Variants in AGAP1 observed in about 807,000 individuals in gnomAD.
AGAP1 encodes the protein arf-GAP with GTPase, ANK repeat and PH domain-containing protein 1.
In AGAP1, 29 loss-of-function variants were observed where a neutral mutation model predicts 105.3. The ratio of observed to expected loss-of-function variants is 0.28; its 90% CI spans 0.21 to 0.38. The LOEUF (loss-of-function observed/expected upper bound fraction) is 0.38. Ranked by LOEUF, AGAP1 falls within the 10% of genes least tolerant of loss-of-function variation. The pLI, the probability that AGAP1 is intolerant of heterozygous loss-of-function variation, is 1.00. For missense variants in AGAP1, 998 were observed against 1,165.1 expected, an observed-to-expected ratio of 0.86 and a Z score of 2.09; for synonymous variants, 509 against 485.9, an observed-to-expected ratio of 1.05 and a Z score of -0.63.
chr2:236,116,764 C>T (rs2059781640), intron 16 of AGAP1, among the ~76,000 whole-genome samples: 1 of 151,548 alleles, frequency 6.6e-6, no homozygotes, highest in Non-Finnish European at 1.5e-5. Flanking sequence ...ACTCTTCCCC[C>T]CAAGTCCCCA....
intron 1 of AGAP1, among the ~76,000 whole-genome samples, chr2:235,576,179 A>G (rs954576954): frequency 6.6e-6 from 1 of 152,108 alleles, no homozygotes; most frequent in African/African-American, 2.4e-5. Context: ...TACCTGGCGC[A>G]ACCCTGGGCC....
chr2:235,546,676 C>T (rs562466820), intron 1 of AGAP1, among the ~76,000 whole-genome samples: 7 of 152,082 alleles, frequency 4.6e-5, no homozygotes, highest in African/African-American at 1.7e-4. Flanking sequence ...GGAGTGATGG[C>T]GATGGCTTGT....
chr2:235,572,224 CTGTG>C (rs1377056591), intron 1 of AGAP1, among the ~76,000 whole-genome samples: 1 of 151,244 alleles, frequency 6.6e-6, no homozygotes. Flanking sequence ...GTGCCGTGCC[CTGTG>C]TGTGTGTCAG....
rs1181197215 is a variant in AGAP1, at chr2:236,035,563, A to G, written c.1646-998A>G. Among the ~76,000 whole-genome samples the G allele has an allele frequency of 6.6e-6, 1 of 152,170 alleles. No individual in the cohort carries two copies. Among genetic ancestry groups the G allele is most frequent in the Non-Finnish European group, 1.5e-5 (1 of 68,020 alleles). ...CGCTTGAGCCTGGGAGGTGGAAGATATAATGAGCTGTGATTGCACCATGGC... is the reference window on the plus strand; with the variant it reads ...CGCTTGAGCCTGGGAGGTGGAAGATGTAATGAGCTGTGATTGCACCATGGC... On this transcript the variant is annotated intron_variant, in intron 13 of 17. Coordinates refer to ENST00000304032, the MANE Select transcript of AGAP1 (RefSeq NM_001037131.3). This position sits in a 1 kb window ranked among gnomAD's most constrained non-coding sequence, Gnocchi z 4.2.
chr2:235,730,769 C>A (rs1491003246), intron 3 of AGAP1, among the ~76,000 whole-genome samples: 2 of 152,148 alleles, frequency 1.3e-5, no homozygotes, highest in African/African-American at 4.8e-5. Context: ...GTGGGAGATG[C>A]TGAAATATTC....
chr2:235,596,596 G>C lies in AGAP1; in HGVS notation c.163+101747G>C, dbSNP rs1302386865. On this transcript the variant is annotated intron_variant, in intron 1 of 17. Coordinates refer to ENST00000304032, the MANE Select transcript of AGAP1 (RefSeq NM_001037131.3). The surrounding 1 kb of genome is among the most constrained non-coding windows in gnomAD (Gnocchi z 5.9). ...GACCCTTCCCGGGTTCCTGGTTGCAGGTGCTGTGTCATCGTATGGCTGTAT... is the reference window on the plus strand; with the variant it reads ...GACCCTTCCCGGGTTCCTGGTTGCACGTGCTGTGTCATCGTATGGCTGTAT... 6.6e-6 allele frequency among the ~76,000 whole-genome samples: 1 copy of C among 152,216 alleles called. No individual in the cohort carries two copies. The highest frequency in any genetic ancestry group is 1.9e-4 in the East Asian group (1 of 5,194).
At position 235,564,834 on chromosome 2, in the gene AGAP1, G is replaced by C. The variant is rs13024660; in HGVS notation, c.163+69985G>C. The stretch of plus-strand genomic sequence containing the variant: ...CACGGCCAGGTGTGAGCCTGGACCA[G>C]CACCCACGGCCAGGTGTGAGCCTGG... On this transcript the variant is annotated intron_variant, in intron 1 of 17. Transcript: ENST00000304032. Among the ~76,000 whole-genome samples the C allele has an allele frequency of 7.9e-3, 885 of 111,334 alleles. 69 individuals are homozygous for C. Among genetic ancestry groups the C allele is most frequent in the African/African-American group, 0.033 (833 of 25,266 alleles). The allele number at this position is 111,334 out of a possible 152,430, so 73.0% of individuals were successfully genotyped here.
Position 235,627,297 on chromosome 2 carries a change from A to G in AGAP1, c.164-81882A>G, listed in dbSNP as rs963754633. ...AACCTCCACCTCCCGGGTTTAAGCA[A>G]TTCTGCAACCTCTACCTCCCGAGTT... On this transcript the variant is annotated intron_variant, in intron 1 of 17. Transcript: ENST00000304032. Among the ~76,000 whole-genome samples the G allele has an allele frequency of 1.1e-4, 17 of 149,620 alleles. 1 individual carries two copies.
At chr2:235,677,704 G>A (rs949393990) in intron 1 of AGAP1, among the ~76,000 whole-genome samples, 1 of 151,700 alleles carries the variant, frequency 6.6e-6, no homozygotes, top group Non-Finnish European at 1.5e-5. Context: ...CTGTCATTGC[G>A]AGGGTTTCTT....
chr2:235,765,295 T>C (rs200866576), intron 6 of AGAP1, among the ~76,000 whole-genome samples: 129 of 116,134 alleles, frequency 1.1e-3, no homozygotes, highest in Non-Finnish European at 1.4e-3. Context: ...TGGGAGCGTC[T>C]GTGGGGTGGG....
rs1271452368 is a variant in AGAP1 at position 235,961,299 on chromosome 2, C to T, written c.1484-7163C>T. 6.6e-6 allele frequency among the ~76,000 whole-genome samples: 1 copy of T among 152,200 alleles called. No homozygotes were observed. The highest frequency in any genetic ancestry group is 1.5e-5 in the Non-Finnish European group (1 of 68,028). ...CTTTGGCTCCTGGAGTCTAAAACTT[C>T]CTGGTGTCCCTTCTGCCTGCCTAGC... On this transcript the variant is annotated intron_variant, in intron 12 of 17. Coordinates refer to ENST00000304032, the MANE Select transcript of AGAP1 (RefSeq NM_001037131.3). This position sits in a 1 kb window ranked among gnomAD's most constrained non-coding sequence, Gnocchi z 5.9.
At position 236,033,727 on chromosome 2, in the gene AGAP1, G is replaced by T. The variant is rs1331642673; in HGVS notation, c.1646-2834G>T. Among the ~76,000 whole-genome samples the T allele has an allele frequency of 2.6e-5, 4 of 152,338 alleles. 1 individual carries two copies. The East Asian group carries it at 7.7e-4, about 29-fold the overall frequency. On this transcript the variant is annotated intron_variant, in intron 13 of 17. Coordinates refer to ENST00000304032, the MANE Select transcript of AGAP1 (RefSeq NM_001037131.3). ...TTGGGGAGGGCAGCTGAGGACCACA[G>T]TGACCGAGCCCTGCACCCATACAGT...
At position 236,124,104 on chromosome 2, in the gene AGAP1, G is replaced by C. The variant is rs1280043684; in HGVS notation, c.2556G>C (p.Arg852Ser). Residue 852 changes from arginine to serine, a missense_variant, in exon 18 of 18, where the codon AGG (arginine) becomes AGC (serine). Physicochemically the swap from Arg to Ser is moderately radical, Grantham distance 110 (BLOSUM62 -1). This residue lies in a region of AGAP1 where 235 missense variants were observed against 270.7 expected (regional missense o/e 0.87). Coordinates refer to ENST00000304032, the MANE Select transcript of AGAP1 (RefSeq NM_001037131.3). This position sits in a 1 kb window ranked among gnomAD's most constrained non-coding sequence, Gnocchi z 5.1. ...RNNNRNNSSG[R>S]VPTII ...ATAACCGGAACAACAGCAGTGGGAG[G>C]GTGCCCACCATCATCTGAGGAACAG... 6.2e-7 allele frequency: 1 copy of C among 1,613,902 alleles called. No individual in the cohort carries two copies. The highest frequency in any genetic ancestry group is 8.5e-7 in the Non-Finnish European group (1 of 1,179,954).
In AGAP1 at chr2:235,792,620, A is replaced by G. The variant is rs1957046269; in HGVS notation, c.674-5139A>G. Among the ~76,000 whole-genome samples the G allele has an allele frequency of 6.6e-6, 1 of 152,190 alleles. No homozygotes were observed. The highest frequency in any genetic ancestry group is 1.5e-5 in the Non-Finnish European group (1 of 68,036). On this transcript the variant is annotated intron_variant, in intron 6 of 17. Coordinates refer to ENST00000304032, the MANE Select transcript of AGAP1 (RefSeq NM_001037131.3). This position sits in a 1 kb window ranked among gnomAD's most constrained non-coding sequence, Gnocchi z 5.3. Reference sequence around the variant, plus strand: ...ACCAAGGCAGTGGCAGTGAAGACGAATTTCTGAGAAACTCTGGTGGTTGAA... The same window carrying G: ...ACCAAGGCAGTGGCAGTGAAGACGAGTTTCTGAGAAACTCTGGTGGTTGAA...
chr2:235,862,173 G>A (rs924825711), intron 9 of AGAP1, among the ~76,000 whole-genome samples: 5 of 150,186 alleles, frequency 3.3e-5, no homozygotes, highest in African/African-American at 5.1e-5. Flanking sequence ...CCATGGCTCC[G>A]TGCACGTGCA....
In AGAP1 at chr2:236,095,135, G is replaced by A. The variant is rs754883203; in HGVS notation, c.2115-25057G>A. Among the ~76,000 whole-genome samples the A allele has an allele frequency of 1.3e-4, 20 of 151,786 alleles. No individual in the cohort carries two copies. The highest frequency in any genetic ancestry group is 2.2e-4 in the Non-Finnish European group (15 of 67,978). On this transcript the variant is annotated intron_variant, in intron 16 of 17. Coordinates refer to ENST00000304032, the MANE Select transcript of AGAP1 (RefSeq NM_001037131.3). This position sits in a 1 kb window ranked among gnomAD's most constrained non-coding sequence, Gnocchi z 4.1. ...GGGCAGGGCAGGCGTGGTGGTTGAC[G>A]CCTGTAATTCCAACACTTCGGGAGG...
intron 9 of AGAP1, among the ~76,000 whole-genome samples, chr2:235,862,476 C>T (rs991986217): frequency 5.3e-5 from 8 of 152,148 alleles, no homozygotes; most frequent in African/African-American, 1.2e-4. Flanking sequence ...CGTTCTCATC[C>T]GTAGCAGAGA....
At chr2:235,933,744 G>A (rs1044960764) in intron 12 of AGAP1, among the ~76,000 whole-genome samples, 1 of 151,976 alleles carries the variant, frequency 6.6e-6, no homozygotes, top group Non-Finnish European at 1.5e-5. Flanking sequence ...TGTTGGCCGG[G>A]ATGGTCTCAA....
rs973781910 is a variant in AGAP1, at chr2:236,114,877, C to G, written c.2115-5315C>G. Among the ~76,000 whole-genome samples the G allele has an allele frequency of 6.6e-6, 1 of 152,186 alleles. No individual in the cohort carries two copies. Among genetic ancestry groups the G allele is most frequent in the Non-Finnish European group, 1.5e-5 (1 of 68,034 alleles). On this transcript the variant is annotated intron_variant, in intron 16 of 17. Transcript: ENST00000304032. The surrounding 1 kb of genome is among the most constrained non-coding windows in gnomAD (Gnocchi z 5.0). ...TCTCAAGGCTATGGGCAGGAGCCAACCAGATGTTGCTCCTGCAACTCTGAC... is the reference window on the plus strand; with the variant it reads ...TCTCAAGGCTATGGGCAGGAGCCAAGCAGATGTTGCTCCTGCAACTCTGAC...
Sources: allele counts gnomAD v4.1 joint callset (sites outside exome capture counted in the v4.1 genomes callset), GRCh38; gene constraint gnomAD v4.1.1; regional missense constraint gnomAD v4.1.1; non-coding constraint Gnocchi (gnomAD v3.1); transcripts MANE v1.5; gene names NCBI Gene and HGNC (gene_info 2026-07-23, HGNC 2026-07-21).